PRR11: variants seen among roughly 807,000 people sequenced by gnomAD.
PRR11 encodes proline-rich protein 11.
A neutral mutation model predicts 45.6 loss-of-function variants in PRR11; 30 were observed. That is an observed-to-expected ratio of 0.66 (90% confidence interval 0.49 to 0.89). The LOEUF is 0.89. PRR11 is among the 40% of genes least tolerant of loss of function. The probability of loss-of-function intolerance (pLI) is 0.00; values close to 1 mark genes in which losing one functional copy is unlikely to be tolerated. For missense variants in PRR11, 373 were observed against 424.8 expected (o/e 0.88, Z 1.07); for synonymous variants, 128 against 153.5 (o/e 0.83, Z 1.23).
Position 59,175,088 on chromosome 17 carries a change from G to A in PRR11, c.128+5208G>A, listed in dbSNP as rs1326205483. The A allele has an allele frequency of 6.9e-6, 4 of 576,848 alleles. No individual in the cohort carries two copies. The African/African-American group carries it at 7.7e-5, about 11-fold the overall frequency. 35.7% of individuals were successfully genotyped at this position (576,848 alleles called of 1,614,324 possible). ...ACAGGAAGTAGAAAATGTTTCATTTGGAGGCCTCGTTGTCCTCCTCCATGT... is the reference window on the plus strand; with the variant it reads ...ACAGGAAGTAGAAAATGTTTCATTTAGAGGCCTCGTTGTCCTCCTCCATGT... On this transcript the variant is annotated intron_variant, in intron 2 of 9. Transcript: ENST00000262293.
At chr17:59,158,768 A>G (rs115352810) in intron 1 of PRR11, among the ~76,000 whole-genome samples, 3,224 of 152,336 alleles carry the variant, frequency 0.021, 114 homozygotes, top group African/African-American at 0.074. Flanking sequence ...GTTAGAGGAC[A>G]GAACGGAGGG....
intron 4 of PRR11, among the ~76,000 whole-genome samples, chr17:59,189,627 C>A (rs2046831769): frequency 6.6e-6 from 1 of 151,942 alleles, no homozygotes; most frequent in African/African-American, 2.4e-5. Context: ...AGCCACCACA[C>A]CAGGCCTAAA....
At chr17:59,194,679 T>C (rs2046856293) in intron 5 of PRR11, 78 bp from the exon 6 acceptor site, 13 of 1,158,904 alleles carry the variant, frequency 1.1e-5, no homozygotes, top group South Asian at 5.6e-5. Flanking sequence ...TCTGAGTCTT[T>C]AAAAACTAGA....
At chr17:59,172,877 A>G (rs1013020748) in intron 2 of PRR11, among the ~76,000 whole-genome samples, 1 of 152,194 alleles carries the variant, frequency 6.6e-6, no homozygotes, top group African/African-American at 2.4e-5. Flanking sequence ...CACCCATCGC[A>G]TGCCCGCCCA....
In PRR11 at chr17:59,165,601, T is replaced by C. The variant is rs534606740; in HGVS notation, c.-5-4147T>C. ...TGAGGTCGGGAGTTCCAGACCAGCC[T>C]GACCAGCATGGAGAAACCCCGTCTC... is the stretch of plus-strand genomic sequence containing the variant. On this transcript the variant is annotated intron_variant, in intron 1 of 9. Transcript: ENST00000262293. Among the ~76,000 whole-genome samples the C allele has an allele frequency of 1.3e-4, 20 of 152,156 alleles. No individual in the cohort carries two copies. The South Asian group carries it at 3.9e-3, about 30-fold the overall frequency.
At chr17:59,158,457 A>G (rs1328992147) in intron 1 of PRR11, among the ~76,000 whole-genome samples, 2 of 152,206 alleles carry the variant, frequency 1.3e-5, no homozygotes, top group Non-Finnish European at 2.9e-5. Flanking sequence ...TTCCATGTTT[A>G]TGTTAGAAAA....
intron 2 of PRR11, chr17:59,178,447 C>T (rs2046761396): frequency 4.0e-6 from 2 of 502,914 alleles, no homozygotes; most frequent in Non-Finnish European, 7.9e-6. Flanking sequence ...GAAGCAGGAA[C>T]ACGGTTCCGT....
chr17:59,174,650 G>A (rs1333197735), intron 2 of PRR11, among the ~76,000 whole-genome samples: 4 of 152,234 alleles, frequency 2.6e-5, no homozygotes, highest in East Asian at 1.9e-4. Context: ...GCCCAGGCTC[G>A]AAGCCGGATC....
intron 4 of PRR11, among the ~76,000 whole-genome samples, chr17:59,186,377 TGTAA>T (rs2046813918): frequency 7.0e-6 from 1 of 142,862 alleles, no homozygotes; most frequent in Non-Finnish European, 1.5e-5. Context: ...GCCAGCTGTT[TGTAA>T]TTTTTTTTTT....
intron 9 of PRR11, 132 bp downstream of exon 9, chr17:59,197,921 A>G (rs2046874723): frequency 1.4e-6 from 1 of 720,400 alleles, no homozygotes; most frequent in African/African-American, 1.8e-5. Flanking sequence ...GCAGTTCAAG[A>G]TGGGCAACAT....
intron 1 of PRR11, among the ~76,000 whole-genome samples, chr17:59,169,280 T>C (rs2046695287): frequency 6.6e-6 from 1 of 151,948 alleles, no homozygotes; most frequent in African/African-American, 2.4e-5. Context: ...GTATTTTTAG[T>C]AGAGACGGGG....
intron 2 of PRR11, among the ~76,000 whole-genome samples, chr17:59,180,510 G>GTTTTTTT (rs1555716481): frequency 9.2e-6 from 1 of 108,634 alleles, no homozygotes; most frequent in African/African-American, 4.4e-5. Context: ...TTTTTTTTTT[G>GTTTTTTT]TTTTTTTTGT....
intron 1 of PRR11, among the ~76,000 whole-genome samples, chr17:59,157,652 A>C (rs745750540): frequency 7.2e-5 from 11 of 152,058 alleles, no homozygotes; most frequent in Non-Finnish European, 1.6e-4. Flanking sequence ...CATTGAGCTG[A>C]GATCACACCA....
chr17:59,185,189 G>A lies in PRR11; in HGVS notation c.264G>A (p.Gln88=), dbSNP rs752899052. 1 of 1,613,868 alleles carries A rather than the reference G, an allele frequency of 6.2e-7. No homozygotes were observed. Among genetic ancestry groups the A allele is most frequent in the South Asian group, 1.1e-5 (1 of 91,036 alleles). Residue 88 remains glutamine, a synonymous_variant, in exon 3 of 10, where the codon CAG becomes CAA. Coordinates refer to ENST00000262293, the MANE Select transcript of PRR11 (RefSeq NM_018304.4). ...TATGGTCTATATACAGCTGGTGCCAGAACTGCATAACCCAGGTATGGATGT... is the reference window on the plus strand; with the variant it reads ...TATGGTCTATATACAGCTGGTGCCAAAACTGCATAACCCAGGTATGGATGT... ...NRVWSIYSWC[Q]NCITQSLEVL... is the part of the protein sequence containing the mutation.
At chr17:59,185,345 C>G (rs982279272) in intron 3 of PRR11, 95 bp from the exon 4 acceptor site, 1 of 1,527,306 alleles carries the variant, frequency 6.5e-7, no homozygotes. Flanking sequence ...GCCTTTGCTT[C>G]TATAAAAACA....
intron 2 of PRR11, among the ~76,000 whole-genome samples, chr17:59,172,148 A>G (rs1251810617): frequency 6.6e-6 from 1 of 152,218 alleles, no homozygotes; most frequent in Non-Finnish European, 1.5e-5. Flanking sequence ...ATTTTTACAA[A>G]GAATTCTGTG....
At chr17:59,194,715 G>C in intron 5 of PRR11, 42 bp from the exon 6 acceptor site, 1 of 1,478,664 alleles carries the variant, frequency 6.8e-7, no homozygotes, top group Non-Finnish European at 9.4e-7. Flanking sequence ...CACCAGTTGT[G>C]CTGGTTCCAA....
chr17:59,166,965 G>T (rs867568150), intron 1 of PRR11, among the ~76,000 whole-genome samples: 12 of 152,032 alleles, frequency 7.9e-5, no homozygotes, highest in South Asian at 2.1e-4. Context: ...AGATCGAGAC[G>T]ATCCTGGCTA....
intron 2 of PRR11, among the ~76,000 whole-genome samples, chr17:59,171,170 G>A (rs2046706400): frequency 1.3e-5 from 2 of 152,342 alleles, no homozygotes; most frequent in South Asian, 4.1e-4. Flanking sequence ...GGCTGAAGCA[G>A]GAGAATGGCG....
Sources: allele counts gnomAD v4.1 joint callset (sites outside exome capture counted in the v4.1 genomes callset), GRCh38; gene constraint gnomAD v4.1.1; transcripts MANE v1.5; gene names NCBI Gene and HGNC (gene_info 2026-07-23, HGNC 2026-07-21).